The following METTL15 variants were observed in gnomAD, a reference collection of about 807,000 sequenced individuals.
METTL15 encodes the protein methyltransferase 15, mitochondrial 12S rRNA N4-cytidine.
In METTL15, 34 loss-of-function variants were observed where a neutral mutation model predicts 38.3. The observed-to-expected ratio is 0.89, with a 90% CI of 0.68 to 1.18. The LOEUF is 1.18. Among genes scored for constraint, METTL15 ranks in the 50% most tolerant of loss-of-function variants. The pLI is 0.00. For synonymous variants in METTL15, 162 were observed against 170.9 expected (o/e 0.95, Z 0.41); for missense variants, 438 against 498.4 (o/e 0.88, Z 1.15).
intron 5 of METTL15, among the ~76,000 whole-genome samples, chr11:28,392,076 GC>G (rs1850515149): frequency 6.6e-6 from 1 of 152,064 alleles, no homozygotes; most frequent in South Asian, 2.1e-4. Flanking sequence ...CAGACAAAGG[GC>G]TAATATCCAG....
At chr11:28,420,083 GA>G (rs1396071646) in intron 5 of METTL15, among the ~76,000 whole-genome samples, 11 of 152,076 alleles carry the variant, frequency 7.2e-5, no homozygotes, top group Non-Finnish European at 1.5e-4. Flanking sequence ...AAAAGACAGA[GA>G]AAGAGACAAA....
At chr11:28,110,507 C>G (rs1222418078) in intron 2 of METTL15, 106 bp downstream of exon 2, 2 of 152,206 alleles carry the variant, frequency 1.3e-5, no homozygotes, top group Non-Finnish European at 2.9e-5. Context: ...AAGAAAAATA[C>G]GCCCCTGACC....
rs76487216 is a variant in METTL15 at position 28,441,399 on chromosome 11, G to T, written c.*424+17035G>T. Among the ~76,000 whole-genome samples the T allele has an allele frequency of 2.1e-3, 321 of 152,164 alleles. 5 individuals are homozygous for T. The East Asian group carries it at 0.056, about 26-fold the overall frequency. On this transcript the variant is annotated intron_variant and NMD_transcript_variant, in intron 6 of 7. Coordinates refer to the METTL15 transcript ENST00000532947. Reference sequence around the variant, plus strand: ...CAGACCCTCTATGACAACATTGAATGGAATATTCTTCCCAAAGTAATTATG... The same window carrying T: ...CAGACCCTCTATGACAACATTGAATTGAATATTCTTCCCAAAGTAATTATG...
intron 4 of METTL15, among the ~76,000 whole-genome samples, chr11:28,225,137 G>C (rs926522799): frequency 6.6e-6 from 1 of 151,124 alleles, no homozygotes; most frequent in African/African-American, 2.4e-5. Flanking sequence ...CTTACTTCTT[G>C]GCTCTTTAAA....
chr11:28,469,803 A>C (rs986468304), intron 6 of METTL15, among the ~76,000 whole-genome samples: 3 of 152,096 alleles, frequency 2.0e-5, no homozygotes, highest in African/African-American at 7.2e-5. Context: ...TTTAGAGAGG[A>C]AGGGAGGCAA....
chr11:28,359,310 T>C (rs547368148), intron 4 of METTL15, among the ~76,000 whole-genome samples: 1 of 152,338 alleles, frequency 6.6e-6, no homozygotes, highest in South Asian at 2.1e-4. Flanking sequence ...GTATGTACCA[T>C]GTTTTCTTTA....
chr11:28,301,234 T>C (rs1300852299), intron 6 of METTL15, among the ~76,000 whole-genome samples: 2 of 152,080 alleles, frequency 1.3e-5, no homozygotes, highest in Non-Finnish European at 2.9e-5. Context: ...GCCTTGGATG[T>C]CCTTCTGCCT....
In METTL15 at chr11:28,225,172, G is replaced by T. The variant is rs529908232; in HGVS notation, c.407+13974G>T. On this transcript the variant is annotated intron_variant, in intron 4 of 6. Coordinates refer to ENST00000407364, the MANE Select transcript of METTL15 (RefSeq NM_001113528.2). The stretch of plus-strand genomic sequence containing the variant: ...ATTCTATCTTGGGATTTAGATATTA[G>T]TGTCTACTCTTATGATAACTATTAG... Among the ~76,000 whole-genome samples the T allele has an allele frequency of 1.1e-4, 17 of 151,670 alleles. No individual in the cohort carries two copies. In the South Asian group the frequency reaches 3.1e-3, roughly 28 times the overall value.
At chr11:28,521,952 T>TA (rs1351409579) in intron 6 of METTL15, among the ~76,000 whole-genome samples, 1 of 152,222 alleles carries the variant, frequency 6.6e-6, no homozygotes, top group Non-Finnish European at 1.5e-5. Context: ...AGAATCCTTT[T>TA]ACTAAACTTG....
At chr11:28,210,861 G>C (rs970028330) in intron 3 of METTL15, among the ~76,000 whole-genome samples, 2 of 151,974 alleles carry the variant, frequency 1.3e-5, no homozygotes, top group African/African-American at 4.8e-5. Flanking sequence ...CTGATAGTCT[G>C]ATCAGTTCTT....
At chr11:28,359,635 A>G (rs1244096261) in intron 4 of METTL15, among the ~76,000 whole-genome samples, 2 of 152,134 alleles carry the variant, frequency 1.3e-5, no homozygotes, top group East Asian at 1.9e-4. Flanking sequence ...GTGAGATGGT[A>G]TCTTATGGCG....
chr11:28,468,982 T>C (rs1851280366), intron 6 of METTL15, among the ~76,000 whole-genome samples: 1 of 152,204 alleles, frequency 6.6e-6, no homozygotes, highest in African/African-American at 2.4e-5. Flanking sequence ...GTACACATAA[T>C]GTAACCTTTC....
At chr11:28,231,248 T>A (rs1330677810) in intron 4 of METTL15, among the ~76,000 whole-genome samples, 1 of 151,760 alleles carries the variant, frequency 6.6e-6, no homozygotes, top group African/African-American at 2.4e-5. Context: ...CCCAAAAACA[T>A]TAAATACCAA....
intron 5 of METTL15, chr11:28,399,101 A>T (rs1214629207): frequency 2.6e-5 from 4 of 152,110 alleles, no homozygotes; most frequent in African/African-American, 9.7e-5. Context: ...CAAAACAGAG[A>T]TATAGACCAA....
chr11:28,392,741 G>A (rs1850524590), intron 5 of METTL15, among the ~76,000 whole-genome samples: 1 of 152,012 alleles, frequency 6.6e-6, no homozygotes, highest in African/African-American at 2.4e-5. Context: ...GAAAATATTT[G>A]CAAACCACAT....
chr11:28,277,834 G>C (rs147421835), intron 4 of METTL15, among the ~76,000 whole-genome samples: 1 of 152,178 alleles, frequency 6.6e-6, no homozygotes, highest in East Asian at 1.9e-4. Context: ...CTTATATGTA[G>C]GAATTAAACA....
rs556566310 is a variant in METTL15 at position 28,137,546 on chromosome 11, C to T, written c.270+23942C>T. Among the ~76,000 whole-genome samples the T allele has an allele frequency of 2.4e-4, 36 of 152,240 alleles. No homozygotes were observed. In the South Asian group the frequency reaches 2.7e-3, roughly 11 times the overall value. On this transcript the variant is annotated intron_variant, in intron 3 of 6. Coordinates refer to ENST00000407364, the MANE Select transcript of METTL15 (RefSeq NM_001113528.2). ...TGACTCTTTCCAACATAGTTAAGGG[C>T]GTGGTTAATTCCATATGTCCTCAAG...
intron 3 of METTL15, among the ~76,000 whole-genome samples, chr11:28,182,355 C>T (rs984946446): frequency 2.6e-5 from 4 of 151,940 alleles, no homozygotes; most frequent in South Asian, 2.1e-4. Context: ...AATGGTATTG[C>T]CCAGGTTTTC....
intron 3 of METTL15, among the ~76,000 whole-genome samples, chr11:28,210,597 G>A (rs1198110558): frequency 1.3e-5 from 2 of 151,488 alleles, no homozygotes; most frequent in Non-Finnish European, 3.0e-5. Flanking sequence ...TTATTATTAG[G>A]GATGTTTATT....
Sources: allele counts gnomAD v4.1 joint callset (sites outside exome capture counted in the v4.1 genomes callset), GRCh38; gene constraint gnomAD v4.1.1; transcripts MANE v1.5; gene names NCBI Gene and HGNC (gene_info 2026-07-23, HGNC 2026-07-21).